The following FAAH2 variants were observed in gnomAD, a reference collection of about 807,000 sequenced individuals.
FAAH2 encodes fatty acid amide hydrolase 2, also known as fatty-acid amide hydrolase 2.
Under a neutral mutation model 36.9 loss-of-function variants are expected in FAAH2, and 60 were observed. The observed-to-expected ratio is 1.63, with a 90% CI of 1.32 to 2.02. The LOEUF (loss-of-function observed/expected upper bound fraction) is 2.02. FAAH2 is among the 30% of genes most tolerant of loss of function. The pLI, the probability that FAAH2 is intolerant of heterozygous loss-of-function variation, is 0.00. For synonymous variants in FAAH2, 214 were observed against 143.8 expected, an observed-to-expected ratio of 1.49 and a Z score of -3.49; for missense variants, 689 against 397.5, an observed-to-expected ratio of 1.73 and a Z score of -6.23.
chrX:57,163,165 T>G, the FAAH2 span, among the ~76,000 whole-genome samples: 1 of 112,204 alleles, frequency 8.9e-6, no homozygotes, highest in Non-Finnish European at 1.9e-5. Flanking sequence ...CTCCCAGTTA[T>G]GCTGCTTGGG....
At chrX:57,209,585 C>T in the FAAH2 span, among the ~76,000 whole-genome samples, 15 of 111,493 alleles carry the variant, frequency 1.3e-4, no homozygotes, top group Non-Finnish European at 2.1e-4. Context: ...CCACACTTCC[C>T]TCTCCTCAGA....
intron 5 of FAAH2, among the ~76,000 whole-genome samples, chrX:57,370,923 C>T (rs918401883): frequency 9.0e-6 from 1 of 111,043 alleles, no homozygotes; most frequent in African/African-American, 3.3e-5. Context: ...TTCCTGGTGC[C>T]AAAAAGTTTG....
chrX:57,243,452 T>G, the FAAH2 span, among the ~76,000 whole-genome samples: 1 of 112,171 alleles, frequency 8.9e-6, no homozygotes, highest in Non-Finnish European at 1.9e-5. Context: ...CTCCTGACTG[T>G]GAGGCACCTC....
the FAAH2 span, among the ~76,000 whole-genome samples, chrX:57,166,878 C>A: frequency 8.9e-6 from 1 of 111,874 alleles, no homozygotes; most frequent in South Asian, 3.8e-4. Flanking sequence ...AATTACTGGG[C>A]TGTATGTGGT....
the FAAH2 span, chrX:57,136,089 G>T: frequency 4.2e-5 from 51 of 1,201,359 alleles, no homozygotes; most frequent in African/African-American, 8.9e-4. Context: ...GTACAAGACA[G>T]GATCTTTCTC....
chrX:57,185,684 T>C, the FAAH2 span, among the ~76,000 whole-genome samples: 1 of 110,311 alleles, frequency 9.1e-6, no homozygotes, highest in African/African-American at 3.3e-5. Context: ...CATTAGGTAT[T>C]TGTCCTAATG....
At chrX:57,291,675 A>T in intron 1 of FAAH2, among the ~76,000 whole-genome samples, 1 of 108,067 alleles carries the variant, frequency 9.3e-6, no homozygotes, top group East Asian at 2.9e-4. Context: ...TTTCTTTTTA[A>T]TTATTTTTCT....
At chrX:57,369,733 CAT>C (rs905957041) in intron 5 of FAAH2, among the ~76,000 whole-genome samples, 15 of 111,868 alleles carry the variant, frequency 1.3e-4, no homozygotes, top group African/African-American at 4.9e-4. Context: ...TGGAAGTAAA[CAT>C]ATAGTTACTA....
chrX:57,382,781 A>C (rs886628182), intron 7 of FAAH2, among the ~76,000 whole-genome samples: 5 of 111,307 alleles, frequency 4.5e-5, no homozygotes, highest in African/African-American at 1.6e-4. Flanking sequence ...TTCTGAAACT[A>C]TTCCAATCAA....
intron 7 of FAAH2, among the ~76,000 whole-genome samples, chrX:57,420,954 C>T (rs2056005573): frequency 8.9e-6 from 1 of 112,054 alleles, no homozygotes; most frequent in African/African-American, 3.2e-5. Flanking sequence ...TTGTCAAAGG[C>T]CTTTTCTGCA....
chrX:57,410,781 ATTGT>A (rs2055678306), intron 7 of FAAH2, among the ~76,000 whole-genome samples: 1 of 110,451 alleles, frequency 9.1e-6, no homozygotes, highest in Non-Finnish European at 1.9e-5. Flanking sequence ...CTTTTATTTA[ATTGT>A]TTGTATCTCT....
intron 6 of FAAH2, among the ~76,000 whole-genome samples, chrX:57,379,304 G>A (rs999867003): frequency 4.5e-5 from 5 of 110,956 alleles, no homozygotes; most frequent in Non-Finnish European, 7.6e-5. Context: ...ATAAAAAAAT[G>A]CAATCTATAT....
intron 5 of FAAH2, among the ~76,000 whole-genome samples, chrX:57,357,052 C>A (rs1602390115): frequency 9.0e-6 from 1 of 111,321 alleles, no homozygotes; most frequent in African/African-American, 3.3e-5. Flanking sequence ...TGGTTTTCTG[C>A]TCCTGTGTTT....
At chrX:57,406,482 G>A (rs757213204) in intron 7 of FAAH2, among the ~76,000 whole-genome samples, 1 of 112,171 alleles carries the variant, frequency 8.9e-6, no homozygotes, top group Non-Finnish European at 1.9e-5. Context: ...GGTAGAGGGA[G>A]TGTTTGGTTT....
At chrX:57,153,360 A>G in the FAAH2 span, among the ~76,000 whole-genome samples, 1 of 112,234 alleles carries the variant, frequency 8.9e-6, no homozygotes, top group African/African-American at 3.2e-5. Flanking sequence ...TAGGCCATTT[A>G]TATTCAATGT....
At chrX:57,340,132 T>C (rs1397611841) in intron 4 of FAAH2, among the ~76,000 whole-genome samples, 1 of 111,784 alleles carries the variant, frequency 8.9e-6, no homozygotes, top group Non-Finnish European at 1.9e-5. Context: ...GGCAAACCAC[T>C]TGTGTGAGTC....
At chrX:57,387,398 A>G (rs1246491971) in intron 7 of FAAH2, among the ~76,000 whole-genome samples, 2 of 111,437 alleles carry the variant, frequency 1.8e-5, no homozygotes, top group Non-Finnish European at 3.8e-5. Context: ...AATGAGTTCA[A>G]CCTAAAATAG....
intron 7 of FAAH2, chrX:57,394,093 T>C: frequency 1.4e-6 from 1 of 720,790 alleles, no homozygotes; most frequent in South Asian, 2.1e-5. Context: ...GGTTATTAGA[T>C]ACAGTGATGG....
chrX:57,207,821 G>C, the FAAH2 span, among the ~76,000 whole-genome samples: 1 of 112,653 alleles, frequency 8.9e-6, no homozygotes, highest in Non-Finnish European at 1.9e-5. Flanking sequence ...AGGTGCAGAA[G>C]GCTCACAGCT....
Sources: gnomAD v4.1 joint callset for allele counts (sites outside exome capture counted in the v4.1 genomes callset) on GRCh38, gnomAD v4.1.1 for gene constraint, MANE v1.5 for transcripts, NCBI Gene and HGNC (gene_info 2026-07-23, HGNC 2026-07-21) for gene names.